The following CABIN1 variants were observed in gnomAD, a reference collection of about 807,000 sequenced individuals.
CABIN1 encodes the protein calcineurin-binding protein cabin-1.
In CABIN1, 133 loss-of-function variants were observed where a neutral mutation model predicts 227.7. The observed-to-expected ratio is 0.58, with a 90% CI of 0.51 to 0.67. The LOEUF is 0.67. CABIN1 is among the 30% of genes least tolerant of loss of function. The pLI is 0.00. For missense variants in CABIN1, 2,408 were observed against 2,852.5 expected (o/e 0.84, Z 3.55); for synonymous variants, 1,086 against 1,155.1 (o/e 0.94, Z 1.21).
chr22:24,166,855 G>A lies in CABIN1; in HGVS notation c.5224G>A (p.Asp1742Asn). 6.2e-7 allele frequency: 1 copy of A among 1,612,818 alleles called. No homozygotes were observed. The highest frequency in any genetic ancestry group is 2.2e-5 in the East Asian group (1 of 44,878). Residue 1742 changes from aspartate (D) to asparagine (N), a missense_variant, in exon 32 of 37, where the codon GAC becomes AAC. Asp to Asn is a conservative substitution (Grantham distance 23, BLOSUM62 1). Around this residue, in one of 3 missense-constraint regions of CABIN1, gnomAD observed 714 missense variants for 773.8 expected, o/e 0.92. Coordinates refer to ENST00000263119, the MANE Select transcript of CABIN1 (RefSeq NM_012295.4). ...PVAMDAGDSA[D>N]QSGERKDKES... Reference sequence around the variant, plus strand: ...GGCCATGGATGCAGGAGACAGTGCAGACCAAAGCGGGGAGCGGAAGGATAA... The same window carrying A: ...GGCCATGGATGCAGGAGACAGTGCAAACCAAAGCGGGGAGCGGAAGGATAA...
At chr22:24,115,040 C>T (rs983269262) in intron 27 of CABIN1, among the ~76,000 whole-genome samples, 8 of 152,348 alleles carry the variant, frequency 5.3e-5, no homozygotes, top group African/African-American at 1.7e-4. Flanking sequence ...GACATAAACA[C>T]ACTGTAGGAA....
At chr22:24,033,279 G>A (rs1241779132) in intron 1 of CABIN1, among the ~76,000 whole-genome samples, 2 of 152,204 alleles carry the variant, frequency 1.3e-5, no homozygotes, top group African/African-American at 4.8e-5. Flanking sequence ...GCCTGTGCTA[G>A]AAGTCATTGC....
intron 27 of CABIN1, among the ~76,000 whole-genome samples, chr22:24,118,497 G>A (rs568503399): frequency 3.3e-4 from 50 of 152,238 alleles, no homozygotes; most frequent in Middle Eastern, 3.4e-3. Flanking sequence ...CTCAGCCATC[G>A]CATACCACCT....
In CABIN1 at chr22:24,164,447, T is replaced by C. The variant is rs1281149963; in HGVS notation, c.4794T>C (p.Phe1598=). Residue 1598 remains phenylalanine, a synonymous_variant, in exon 30 of 37, where the codon TTT becomes TTC. Transcript: ENST00000263119. ...ACGAGATTGACCGGCCGGGCAGCTTTGCCTGGCACATGAACCGCTCCATCG... is the reference window on the plus strand; with the variant it reads ...ACGAGATTGACCGGCCGGGCAGCTTCGCCTGGCACATGAACCGCTCCATCG... ...PVDEIDRPGS[F]AWHMNRSIVL... The C allele has an allele frequency of 4.4e-6, 7 of 1,605,652 alleles. 1 individual carries two copies. In the South Asian group the frequency reaches 4.4e-5, roughly 10 times the overall value.
chr22:24,055,233 G>C, intron 9 of CABIN1, 74 bp downstream of exon 9: 1 of 1,525,076 alleles, frequency 6.6e-7, no homozygotes, highest in Non-Finnish European at 8.9e-7. Flanking sequence ...GACTGCTGGG[G>C]AGCCCTGCCT....
chr22:24,175,184 G>A (rs533856946), intron 34 of CABIN1, among the ~76,000 whole-genome samples: 3 of 152,350 alleles, frequency 2.0e-5, no homozygotes, highest in East Asian at 1.9e-4. Flanking sequence ...GGCAGGGGGC[G>A]AGGGGGTGGA....
intron 28 of CABIN1, among the ~76,000 whole-genome samples, chr22:24,120,337 G>A (rs1031926142): frequency 7.9e-5 from 12 of 152,224 alleles, no homozygotes; most frequent in African/African-American, 2.9e-4. Context: ...AGGCTTAAGT[G>A]CTTCCAGGGG....
Position 24,134,318 on chromosome 22 carries a change from G to A in CABIN1, c.4649G>A (p.Arg1550His), listed in dbSNP as rs776094414. 5 of 1,613,928 alleles carry A rather than the reference G, an allele frequency of 3.1e-6. No individual in the cohort carries two copies. Among genetic ancestry groups the A allele is most frequent in the South Asian group, 2.2e-5 (2 of 91,060 alleles). The change falls in exon 29 of 37, where the codon CGC becomes CAC. Residue 1550 changes from arginine (R) to histidine (H), a missense_variant. Coordinates refer to ENST00000263119, the MANE Select transcript of CABIN1 (RefSeq NM_012295.4). ...SKTHRNLQWARDVLLGSSIPW... is the reference protein window; with the variant it reads ...SKTHRNLQWAHDVLLGSSIPW... Reference sequence around the variant, plus strand: ...TTTCCCCAGAACCTCCAGTGGGCCCGCGACGTGTTGCTAGGCAGCAGTATC... The same window carrying A: ...TTTCCCCAGAACCTCCAGTGGGCCCACGACGTGTTGCTAGGCAGCAGTATC...
chr22:24,096,716 A>G (rs1353514512), intron 25 of CABIN1, among the ~76,000 whole-genome samples: 1 of 152,188 alleles, frequency 6.6e-6, no homozygotes, highest in East Asian at 1.9e-4. Flanking sequence ...GACATGGGGA[A>G]TGTTGCAGCT....
At chr22:24,050,574 A>G (rs148138206) in intron 7 of CABIN1, among the ~76,000 whole-genome samples, 22 of 152,328 alleles carry the variant, frequency 1.4e-4, no homozygotes, top group East Asian at 3.9e-4. Context: ...GTGTTAATAC[A>G]TATGAAAACT....
chr22:24,154,833 C>A (rs780667428), intron 29 of CABIN1, among the ~76,000 whole-genome samples: 1 of 152,170 alleles, frequency 6.6e-6, no homozygotes, highest in Non-Finnish European at 1.5e-5. Flanking sequence ...GGACCGCTGG[C>A]TCCAGGAACC....
chr22:24,156,205 C>G, intron 29 of CABIN1: 1 of 389,422 alleles, frequency 2.6e-6, no homozygotes, highest in Non-Finnish European at 4.6e-6. Flanking sequence ...CTCAATCGTC[C>G]CCTGGTGGGC....
intron 1 of CABIN1, among the ~76,000 whole-genome samples, chr22:24,029,537 A>G (rs2036340880): frequency 6.6e-6 from 1 of 152,098 alleles, no homozygotes; most frequent in Non-Finnish European, 1.5e-5. Context: ...AGCCTGGGCA[A>G]CAGAGTGAGA....
intron 20 of CABIN1, among the ~76,000 whole-genome samples, chr22:24,083,674 G>A (rs962117591): frequency 3.9e-5 from 6 of 152,122 alleles, no homozygotes; most frequent in Non-Finnish European, 1.5e-5. Flanking sequence ...AGGGTAGGAG[G>A]GTTACTTGAG....
At chr22:24,021,436 G>A (rs889395264) in intron 1 of CABIN1, among the ~76,000 whole-genome samples, 7 of 152,116 alleles carry the variant, frequency 4.6e-5, no homozygotes, top group African/African-American at 1.7e-4. Context: ...GGGATTACAG[G>A]TGTGAGCCAC....
At chr22:24,121,170 G>A (rs1233147386) in intron 28 of CABIN1, among the ~76,000 whole-genome samples, 3 of 152,254 alleles carry the variant, frequency 2.0e-5, no homozygotes, top group African/African-American at 4.8e-5. Context: ...GCTCCCCCCA[G>A]CATCCTCAGT....
chr22:24,042,934 C>T lies in CABIN1; in HGVS notation c.376C>T (p.Leu126Phe). 1 of 1,603,012 alleles carries T rather than the reference C, an allele frequency of 6.2e-7. No homozygotes were observed. Among genetic ancestry groups the T allele is most frequent in the Non-Finnish European group, 8.5e-7 (1 of 1,174,506 alleles). ...AVMLDSTDVN[L>F]WYKIGHVALR... ...GATGCTGGACTCCACAGATGTCAAC[C>T]TCTGGTATAAGATTGGACATGTGGC... Residue 126 changes from leucine (L) to phenylalanine (F), a missense_variant, in exon 6 of 37, where the codon CTC (leucine) becomes TTC (phenylalanine). By Grantham distance (22) the Leu-to-Phe change is conservative. Transcript: ENST00000263119.
rs544565523 is a variant in CABIN1 at position 24,177,479 on chromosome 22, T to C, written c.6206-25T>C. ...ACTGTGTGATGCGGCAGGCAGGAAG[T>C]GCTCTTGGTACCTTTGTCTTCCAGA... is the stretch of plus-strand genomic sequence containing the variant. On this transcript the variant is annotated intron_variant, in intron 35 of 36. Coordinates refer to ENST00000263119, the MANE Select transcript of CABIN1 (RefSeq NM_012295.4). The surrounding 1 kb of genome is among the most constrained non-coding windows in gnomAD (Gnocchi z 4.4). The C allele has an allele frequency of 6.6e-7, 1 of 1,511,806 alleles. No homozygotes were observed. Among genetic ancestry groups the C allele is most frequent in the Non-Finnish European group, 8.8e-7 (1 of 1,130,828 alleles). 93.6% of individuals were successfully genotyped at this position (1,511,806 alleles called of 1,614,324 possible).
In CABIN1 at chr22:24,041,147, A is replaced by G. The variant is rs142590338; in HGVS notation, c.219A>G (p.Ser73=). 4 of 1,614,058 alleles carry G rather than the reference A, an allele frequency of 2.5e-6. No individual in the cohort carries two copies. In the African/African-American group the frequency reaches 5.3e-5, roughly 22 times the overall value. Residue 73 remains serine, a synonymous_variant, in exon 5 of 37, where the codon TCA becomes TCG. Coordinates refer to ENST00000263119, the MANE Select transcript of CABIN1 (RefSeq NM_012295.4). ...LEASLLREAV[S]SGDEKEGLKH... ...TTCTGTTTTGTTCACAGGCAGTTTC[A>G]TCCGGTGATGAGAAAGAGGGGTTGA...
Sources: allele counts gnomAD v4.1 joint callset (sites outside exome capture counted in the v4.1 genomes callset), GRCh38; gene constraint gnomAD v4.1.1; regional missense constraint gnomAD v4.1.1; non-coding constraint Gnocchi (gnomAD v3.1); transcripts MANE v1.5; gene names NCBI Gene and HGNC (gene_info 2026-07-23, HGNC 2026-07-21).